AUTS2: variants seen among roughly 807,000 people sequenced by gnomAD.
AUTS2 encodes the protein activator of transcription and developmental regulator AUTS2, also known as autism susceptibility gene 2 protein.
Under a neutral mutation model 112.4 loss-of-function variants are expected in AUTS2, and 17 were observed. The observed-to-expected ratio is 0.15, with a 90% CI of 0.10 to 0.23. The LOEUF (loss-of-function observed/expected upper bound fraction) is 0.23. Ranked by LOEUF, AUTS2 falls within the 10% of genes least tolerant of loss-of-function variation. The pLI, the probability that AUTS2 is intolerant of heterozygous loss-of-function variation, is 1.00. For missense variants in AUTS2, 1,510 were observed against 1,701.6 expected (o/e 0.89, Z 1.98); for synonymous variants, 751 against 702.7 (o/e 1.07, Z -1.09).
intron 4 of AUTS2, among the ~76,000 whole-genome samples, chr7:70,246,881 G>A (rs887628213): frequency 1.3e-5 from 2 of 151,252 alleles, no homozygotes; most frequent in Non-Finnish European, 3.0e-5. Context: ...AAAATTTTAT[G>A]GTTTTTCTCT....
chr7:70,402,958 T>A (rs1043360003), intron 4 of AUTS2, among the ~76,000 whole-genome samples: 5 of 152,212 alleles, frequency 3.3e-5, no homozygotes, highest in Non-Finnish European at 7.3e-5. Flanking sequence ...GTTTGGATTT[T>A]AAATGCTTTT....
intron 4 of AUTS2, among the ~76,000 whole-genome samples, chr7:70,410,385 A>C (rs1043835431): frequency 6.7e-6 from 1 of 150,006 alleles, no homozygotes; most frequent in Non-Finnish European, 1.5e-5. Context: ...GCTCTGTCTT[A>C]GGAGGGTTTG....
chr7:70,712,853 C>T (rs891760630), intron 6 of AUTS2, among the ~76,000 whole-genome samples: 2 of 152,192 alleles, frequency 1.3e-5, no homozygotes, highest in Non-Finnish European at 2.9e-5. Flanking sequence ...GTCACGATCT[C>T]AGCTCACTGC....
intron 5 of AUTS2, among the ~76,000 whole-genome samples, chr7:70,542,402 C>G (rs71549358): frequency 0.048 from 7,354 of 152,270 alleles, 237 homozygotes; most frequent in Middle Eastern, 0.068. Flanking sequence ...CTCTGCTCCC[C>G]CTTGGCTCAT....
chr7:69,915,011 G>C (rs753609065), intron 2 of AUTS2, among the ~76,000 whole-genome samples: 13 of 152,122 alleles, frequency 8.5e-5, no homozygotes, highest in Non-Finnish European at 1.8e-4. Flanking sequence ...GACATAACAG[G>C]GAGGATATGT....
chr7:69,877,763 A>G (rs974756443), intron 1 of AUTS2, among the ~76,000 whole-genome samples: 1 of 152,216 alleles, frequency 6.6e-6, no homozygotes, highest in Non-Finnish European at 1.5e-5. Flanking sequence ...ACATTTAAAT[A>G]GACATTATAA....
intron 4 of AUTS2, among the ~76,000 whole-genome samples, chr7:70,220,267 A>G (rs1811405291): frequency 6.6e-6 from 1 of 151,766 alleles, no homozygotes; most frequent in Admixed American, 6.6e-5. Flanking sequence ...TAAAAATATA[A>G]AAGCCATTCT....
chr7:70,482,146 G>T (rs1585197418), intron 5 of AUTS2, among the ~76,000 whole-genome samples: 1 of 152,214 alleles, frequency 6.6e-6, no homozygotes, highest in Non-Finnish European at 1.5e-5. Flanking sequence ...AAATTTTCAG[G>T]GGTTTAGGAA....
chr7:70,458,759 C>G (rs915870192), intron 5 of AUTS2, among the ~76,000 whole-genome samples: 1 of 152,160 alleles, frequency 6.6e-6, no homozygotes, highest in East Asian at 1.9e-4. Flanking sequence ...AAGCCATTTC[C>G]TTGTCTGGTG....
At chr7:70,682,359 G>A (rs1168583127) in intron 5 of AUTS2, among the ~76,000 whole-genome samples, 1 of 152,206 alleles carries the variant, frequency 6.6e-6, no homozygotes, top group Non-Finnish European at 1.5e-5. Context: ...GCCTCCAAAA[G>A]GAAAGGGGGG....
At chr7:70,365,737 G>T (rs930162683) in intron 4 of AUTS2, among the ~76,000 whole-genome samples, 3 of 152,210 alleles carry the variant, frequency 2.0e-5, no homozygotes, top group Admixed American at 1.3e-4. Flanking sequence ...TTAAGATAAT[G>T]CCTACTTTAG....
chr7:69,777,795 A>G (rs1788959680), intron 1 of AUTS2, among the ~76,000 whole-genome samples: 1 of 152,144 alleles, frequency 6.6e-6, no homozygotes, highest in Admixed American at 6.6e-5. Context: ...AATGAAAAGC[A>G]TCTTTGGATG....
chr7:70,104,457 GA>G (rs1471905977), intron 2 of AUTS2, among the ~76,000 whole-genome samples: 1 of 152,122 alleles, frequency 6.6e-6, no homozygotes, highest in East Asian at 1.9e-4. Flanking sequence ...ATTCAGAGTG[GA>G]AAACTTTCCT....
chr7:70,692,904 C>T (rs1390376002), intron 5 of AUTS2, among the ~76,000 whole-genome samples: 2 of 152,042 alleles, frequency 1.3e-5, no homozygotes, highest in Admixed American at 6.6e-5. Context: ...TGGTGTGCAT[C>T]TCTCCCAACC....
chr7:69,804,141 C>G (rs945215056), intron 1 of AUTS2, among the ~76,000 whole-genome samples: 1 of 152,050 alleles, frequency 6.6e-6, no homozygotes, highest in Non-Finnish European at 1.5e-5. Context: ...CCCTGGTGAG[C>G]AATAAGTTAA....
intron 4 of AUTS2, among the ~76,000 whole-genome samples, chr7:70,237,163 A>G (rs774423189): frequency 6.6e-6 from 1 of 152,154 alleles, no homozygotes; most frequent in Non-Finnish European, 1.5e-5. Context: ...CTGCTTGTCT[A>G]ATACAGTGTC....
chr7:70,352,139 A>G (rs1052248133), intron 4 of AUTS2, among the ~76,000 whole-genome samples: 4 of 152,242 alleles, frequency 2.6e-5, no homozygotes, highest in Non-Finnish European at 5.9e-5. Flanking sequence ...ATACTAAAAA[A>G]CTGAGGCACA....
chr7:69,837,011 T>G (rs574847620), intron 1 of AUTS2, among the ~76,000 whole-genome samples: 3 of 152,220 alleles, frequency 2.0e-5, no homozygotes, highest in East Asian at 3.9e-4. Context: ...CCTATAGAAT[T>G]GATTACCTAT....
chr7:70,127,385 C>T (rs764256359), intron 3 of AUTS2, among the ~76,000 whole-genome samples: 3 of 152,174 alleles, frequency 2.0e-5, no homozygotes, highest in Non-Finnish European at 2.9e-5. Context: ...CCACCCTCCT[C>T]AGCCCCCTCC....
Sources: gnomAD v4.1 joint callset for allele counts (sites outside exome capture counted in the v4.1 genomes callset) on GRCh38, gnomAD v4.1.1 for gene constraint, MANE v1.5 for transcripts, NCBI Gene and HGNC (gene_info 2026-07-23, HGNC 2026-07-21) for gene names.